CELF2: variants seen among roughly 807,000 people sequenced by gnomAD.
CELF2 encodes the protein CUGBP Elav-like family member 2.
In CELF2, 8 loss-of-function variants were observed where a neutral mutation model predicts 62.6. The observed-to-expected ratio is 0.13, with a 90% CI of 0.07 to 0.23. The LOEUF is 0.23. Among genes scored for constraint, CELF2 ranks in the 10% least tolerant of loss-of-function variants. The pLI, the probability that CELF2 is intolerant of heterozygous loss-of-function variation, is 1.00. For synonymous variants in CELF2, 258 were observed against 250.0 expected, an observed-to-expected ratio of 1.03 and a Z score of -0.30; for missense variants, 333 against 671.0, an observed-to-expected ratio of 0.50 and a Z score of 5.56.
At chr10:10,935,131 A>G (rs1248604727) in intron 2 of CELF2, 1 of 152,166 alleles carries the variant, frequency 6.6e-6, no homozygotes, top group Admixed American at 6.5e-5. Context: ...TTGGCAACAG[A>G]ATCGTGTACG....
the CELF2 span, among the ~76,000 whole-genome samples, chr10:10,684,734 A>G: frequency 6.6e-6 from 1 of 152,152 alleles, no homozygotes; most frequent in Admixed American, 6.5e-5. Context: ...ACAGAGCAGG[A>G]CCCTGTCTCA....
chr10:10,623,482 C>T, the CELF2 span, among the ~76,000 whole-genome samples: 6 of 152,202 alleles, frequency 3.9e-5, no homozygotes, highest in African/African-American at 7.2e-5. Flanking sequence ...CATGAAGTCT[C>T]TTTCCCTTAG....
chr10:11,083,920 G>A (rs143480886), intron 1 of CELF2, among the ~76,000 whole-genome samples: 179 of 152,274 alleles, frequency 1.2e-3, no homozygotes, highest in African/African-American at 4.0e-3. Context: ...TGTGCTTCCC[G>A]TTGCCAGTCT....
intron 1 of CELF2, among the ~76,000 whole-genome samples, chr10:11,033,321 C>T (rs1441667414): frequency 6.6e-6 from 1 of 151,014 alleles, no homozygotes; most frequent in African/African-American, 2.4e-5. Context: ...GCAATGGCAC[C>T]ATCTCGGCGC....
At chr10:10,532,812 G>A in the CELF2 span, among the ~76,000 whole-genome samples, 2 of 147,552 alleles carry the variant, frequency 1.4e-5, no homozygotes, top group Admixed American at 6.8e-5. Flanking sequence ...ATCACTGGAA[G>A]ATTAAATGCT....
At chr10:11,284,485 G>A (rs1470339888) in intron 8 of CELF2, among the ~76,000 whole-genome samples, 5 of 141,866 alleles carry the variant, frequency 3.5e-5, no homozygotes, top group Middle Eastern at 3.6e-3. Context: ...GGTGGATGAG[G>A]GATGAGTGTG....
At chr10:11,192,414 G>A (rs1160337136) in intron 2 of CELF2, among the ~76,000 whole-genome samples, 2 of 152,194 alleles carry the variant, frequency 1.3e-5, no homozygotes, top group Non-Finnish European at 2.9e-5. Flanking sequence ...TCATGGCACT[G>A]TGTGCCACCA....
intron 1 of CELF2, among the ~76,000 whole-genome samples, chr10:10,817,521 A>G (rs2056579999): frequency 6.6e-6 from 1 of 151,926 alleles, no homozygotes; most frequent in South Asian, 2.1e-4. Context: ...CTCTATGTCC[A>G]TGAGTTCAAT....
At position 10,814,214 on chromosome 10, in the gene CELF2, T is replaced by TAAAAAAAAAAA. The variant is rs759524110; in HGVS notation, c.53+15413_53+15423dup. On this transcript the variant is annotated intron_variant, in intron 1 of 13. Coordinates refer to the CELF2 transcript ENST00000636488. ...AAGGAAGAAAGGGAAAGAAGAGTCC[T>TAAAAAAAAAAA]AAAAAAAAAAAAAAAAAAAAAAAAA... Among the ~76,000 whole-genome samples the TAAAAAAAAAAA allele has an allele frequency of 6.8e-4, 30 of 44,428 alleles. 3 individuals are homozygous for TAAAAAAAAAAA. Among genetic ancestry groups the TAAAAAAAAAAA allele is most frequent in the South Asian group, 1.6e-3 (1 of 618 alleles). 29.1% of individuals were successfully genotyped at this position (44,428 alleles called of 152,430 possible).
At chr10:10,522,605 T>C in the CELF2 span, among the ~76,000 whole-genome samples, 3 of 152,296 alleles carry the variant, frequency 2.0e-5, no homozygotes, top group Non-Finnish European at 4.4e-5. Flanking sequence ...TTGCTGCTCT[T>C]ATTGTCCAGG....
intron 2 of CELF2, among the ~76,000 whole-genome samples, chr10:11,182,496 G>A (rs1295697644): frequency 2.6e-5 from 4 of 152,220 alleles, no homozygotes; most frequent in Non-Finnish European, 4.4e-5. Flanking sequence ...TGAAGGTCAT[G>A]TGTAGGTGAA....
At chr10:10,715,731 T>C in the CELF2 span, among the ~76,000 whole-genome samples, 1 of 152,160 alleles carries the variant, frequency 6.6e-6, no homozygotes, top group African/African-American at 2.4e-5. Context: ...AAATAACTCC[T>C]CTCTCTGCTT....
rs2096093503 is a variant in CELF2 at position 11,335,034 on chromosome 10, CAGTCCGGTG to C, written c.*5982_*5990del. On this transcript the variant is annotated 3_prime_UTR_variant, in exon 13 of 13. Transcript: ENST00000633077. The surrounding 1 kb of genome is among the most constrained non-coding windows in gnomAD (Gnocchi z 5.0). ...CAAGGGCTCAAATGGAAGCTGTACT[CAGTCCGGTG>C]GAGGCAGGGGGAGGTAAAGTTTCTC... The C allele has an allele frequency of 6.6e-6, 1 of 152,228 alleles. No homozygotes were observed. The highest frequency in any genetic ancestry group is 2.1e-4 in the South Asian group (1 of 4,834). 9.4% of individuals were successfully genotyped at this position (152,228 alleles called of 1,614,324 possible).
At chr10:10,932,875 A>T (rs908113894) in intron 2 of CELF2, among the ~76,000 whole-genome samples, 3 of 152,208 alleles carry the variant, frequency 2.0e-5, no homozygotes, top group African/African-American at 7.2e-5. Flanking sequence ...GTGTCTGGAG[A>T]TGGAGACCCA....
the CELF2 span, among the ~76,000 whole-genome samples, chr10:10,714,416 G>C: frequency 6.6e-6 from 1 of 152,128 alleles, no homozygotes; most frequent in Non-Finnish European, 1.5e-5. Flanking sequence ...ACTAATTAGA[G>C]CTAGCCATCA....
Position 10,936,198 on chromosome 10 carries a change from A to C in CELF2, c.89+16199A>C, listed in dbSNP as rs1423379123. Reference sequence around the variant, plus strand: ...AAATAAAATAATAAAGAGAGAGAAAAGAAAGAAACAATAAGTCTTGCAGAG... The same window carrying C: ...AAATAAAATAATAAAGAGAGAGAAACGAAAGAAACAATAAGTCTTGCAGAG... On this transcript the variant is annotated intron_variant, in intron 2 of 13. Transcript: ENST00000636488. This position sits in a 1 kb window ranked among gnomAD's most constrained non-coding sequence, Gnocchi z 4.0. 6.6e-6 allele frequency among the ~76,000 whole-genome samples: 1 copy of C among 152,172 alleles called. No homozygotes were observed.
chr10:11,150,352 C>A (rs190395050), intron 1 of CELF2, among the ~76,000 whole-genome samples: 2 of 152,336 alleles, frequency 1.3e-5, no homozygotes, highest in Middle Eastern at 3.4e-3. Context: ...TAAACATGAA[C>A]CCTGCATGCC....
chr10:10,556,066 T>C, the CELF2 span, among the ~76,000 whole-genome samples: 2 of 152,192 alleles, frequency 1.3e-5, no homozygotes, highest in African/African-American at 4.8e-5. Flanking sequence ...AGTTTTAGGG[T>C]ACATGTGCAC....
At chr10:10,874,039 A>C (rs1417862203) in intron 1 of CELF2, among the ~76,000 whole-genome samples, 1 of 152,214 alleles carries the variant, frequency 6.6e-6, no homozygotes, top group Non-Finnish European at 1.5e-5. Flanking sequence ...GGCCAGGTAC[A>C]GCGGCTCATG....
Sources: allele counts gnomAD v4.1 joint callset (sites outside exome capture counted in the v4.1 genomes callset), GRCh38; gene constraint gnomAD v4.1.1; non-coding constraint Gnocchi (gnomAD v3.1); transcripts MANE v1.5; gene names NCBI Gene and HGNC (gene_info 2026-07-23, HGNC 2026-07-21).